Variants in NBEA observed in about 807,000 individuals in gnomAD.
NBEA encodes the protein neurobeachin, also known as lysosomal-trafficking regulator 2.
A neutral mutation model predicts 343.4 loss-of-function variants in NBEA; 44 were observed. The observed-to-expected ratio is 0.13, with a 90% confidence interval of 0.10 to 0.16. The LOEUF is 0.16. Ranked by LOEUF, NBEA falls within the 10% of genes least tolerant of loss-of-function variation. NBEA has a pLI of 1.00. For missense variants in NBEA, 2,555 were observed against 3,631.3 expected (o/e 0.70, Z 7.62); for synonymous variants, 1,175 against 1,238.7 (o/e 0.95, Z 1.08).
chr13:35,013,316 G>T (rs2061546850), intron 1 of NBEA, among the ~76,000 whole-genome samples: 2 of 151,728 alleles, frequency 1.3e-5, no homozygotes, highest in African/African-American at 4.8e-5. Flanking sequence ...CCCTCTGATT[G>T]TAAAATATTC....
chr13:35,006,064 G>T (rs1331477365), intron 1 of NBEA, among the ~76,000 whole-genome samples: 1 of 152,064 alleles, frequency 6.6e-6, no homozygotes, highest in Non-Finnish European at 1.5e-5. Flanking sequence ...ATATCTATCT[G>T]TCCAGTTTGC....
At chr13:34,983,869 G>A (rs970487411) in intron 1 of NBEA, among the ~76,000 whole-genome samples, 1 of 152,024 alleles carries the variant, frequency 6.6e-6, no homozygotes, top group Non-Finnish European at 1.5e-5. Context: ...TGATGGGGTT[G>A]TTTTTTTCTT....
At chr13:35,090,315 G>T (rs2065017275) in intron 10 of NBEA, among the ~76,000 whole-genome samples, 1 of 151,796 alleles carries the variant, frequency 6.6e-6, no homozygotes, top group African/African-American at 2.4e-5. Context: ...TTTCATTGTT[G>T]CAACCCACAA....
chr13:35,144,318 G>A (rs1166538834), intron 18 of NBEA, among the ~76,000 whole-genome samples: 1 of 152,144 alleles, frequency 6.6e-6, no homozygotes, highest in African/African-American at 2.4e-5. Flanking sequence ...CCAGAACTGT[G>A]ATGCTATCTA....
intron 36 of NBEA, among the ~76,000 whole-genome samples, chr13:35,333,038 A>G (rs572974587): frequency 7.0e-4 from 107 of 152,268 alleles, no homozygotes; most frequent in African/African-American, 2.4e-3. Context: ...AGACTAAGCC[A>G]AGATCCTTAA....
chr13:35,235,021 A>T (rs2075157144), intron 34 of NBEA, among the ~76,000 whole-genome samples: 1 of 152,204 alleles, frequency 6.6e-6, no homozygotes, highest in East Asian at 1.9e-4. Flanking sequence ...CAATATTTAG[A>T]GGATAGTTCT....
chr13:35,630,831 C>T (rs571058117), intron 49 of NBEA, among the ~76,000 whole-genome samples: 1 of 152,238 alleles, frequency 6.6e-6, no homozygotes, highest in South Asian at 2.1e-4. Flanking sequence ...CTCAAGATTG[C>T]TTAGGAAGAG....
Position 35,045,280 on chromosome 13 carries a change from ATTTC to A in NBEA, c.628-18_628-15del, listed in dbSNP as rs1169529979. 7 of 1,562,240 alleles carry A rather than the reference ATTTC, an allele frequency of 4.5e-6. No homozygotes were observed. In the East Asian group the frequency reaches 1.4e-4, roughly 30 times the overall value. ...ATGATTGCTAAATTTGTACAATGAC[ATTTC>A]TTTCTTTTATTGTTTCCCCAGCCAA... On this transcript the variant is annotated intron_variant, in intron 3 of 58. Transcript: ENST00000379939.
At chr13:35,669,329 G>T (rs1047839050) in intron 58 of NBEA, among the ~76,000 whole-genome samples, 8 of 152,104 alleles carry the variant, frequency 5.3e-5, no homozygotes, top group Non-Finnish European at 8.8e-5. Context: ...ACAGAAATAA[G>T]AAAAGCTTGT....
At chr13:35,661,192 C>A (rs376606315) in intron 55 of NBEA, among the ~76,000 whole-genome samples, 6 of 152,304 alleles carry the variant, frequency 3.9e-5, no homozygotes, top group East Asian at 1.9e-4. Context: ...CAGAGAGCTT[C>A]AGGTTCCAAC....
intron 11 of NBEA, among the ~76,000 whole-genome samples, chr13:35,098,896 A>C (rs760001745): frequency 1.3e-5 from 2 of 151,886 alleles, no homozygotes; most frequent in African/African-American, 2.4e-5. Context: ...TCTCTCCATT[A>C]GTTATTTAGT....
rs1016675580 is a variant in NBEA at position 35,007,659 on chromosome 13, AT to A, written c.295-33266del. Reference sequence around the variant, plus strand: ...GGTGCATGCTACTGTGCCACAGCTAATTTTTTTTGTATTGGTGGAGATGGGG... The same window carrying A: ...GGTGCATGCTACTGTGCCACAGCTAATTTTTTTGTATTGGTGGAGATGGGG... On this transcript the variant is annotated intron_variant, in intron 1 of 58. Coordinates refer to ENST00000379939, the MANE Select transcript of NBEA (RefSeq NM_001385012.1). 2.4e-4 allele frequency among the ~76,000 whole-genome samples: 36 copies of A among 151,730 alleles called. 1 individual carries two copies. The highest frequency in any genetic ancestry group is 2.2e-3 in the Admixed American group (34 of 15,220).
At chr13:35,623,323 A>G (rs375981579) in intron 48 of NBEA, among the ~76,000 whole-genome samples, 4 of 152,172 alleles carry the variant, frequency 2.6e-5, no homozygotes, top group East Asian at 1.9e-4. Context: ...AAGAGTCTTA[A>G]TGTCAGGCTT....
intron 45 of NBEA, among the ~76,000 whole-genome samples, chr13:35,577,573 G>A (rs1379084321): frequency 6.6e-6 from 1 of 151,940 alleles, no homozygotes; most frequent in African/African-American, 2.4e-5. Context: ...TATGTGCTAT[G>A]AATATTTTTC....
intron 1 of NBEA, among the ~76,000 whole-genome samples, chr13:35,020,860 G>A (rs2061814304): frequency 6.6e-6 from 1 of 152,002 alleles, no homozygotes; most frequent in African/African-American, 2.4e-5. Context: ...TTATATGGGG[G>A]GAGGTGTCTT....
intron 35 of NBEA, among the ~76,000 whole-genome samples, chr13:35,297,881 G>A (rs899664784): frequency 1.3e-5 from 2 of 151,782 alleles, no homozygotes; most frequent in African/African-American, 2.4e-5. Flanking sequence ...ACCATTTTAA[G>A]TATACAGTTC....
intron 44 of NBEA, among the ~76,000 whole-genome samples, chr13:35,563,131 G>GTGGAGATAGATAGATAGATA (rs1555303283): frequency 5.3e-4 from 57 of 108,326 alleles, no homozygotes; most frequent in Non-Finnish European, 9.4e-4. Flanking sequence ...GTGTGTGTGT[G>GTGGAGATAGATAGATAGATA]GAGATAGATA....
rs114015453 is a variant in NBEA at position 35,380,982 on chromosome 13, C to G, written c.6179+28659C>G. On this transcript the variant is annotated intron_variant, in intron 38 of 58. Transcript: ENST00000379939. ...TGTCCTATTTGTTAAAAGTTTTTAT[C>G]CTAAATTGGTATAGAATTTTTTAAT... is the stretch of plus-strand genomic sequence containing the variant. Among the ~76,000 whole-genome samples, 1,344 of 152,128 alleles carry G rather than the reference C, an allele frequency of 8.8e-3. 22 individuals carry two copies. Among genetic ancestry groups the G allele is most frequent in the African/African-American group, 0.031 (1,278 of 41,506 alleles).
rs914662156 is a variant in NBEA, at chr13:34,979,523, G to GA, written c.294+36419dup. Among the ~76,000 whole-genome samples, 27 of 144,840 alleles carry GA rather than the reference G, an allele frequency of 1.9e-4. No individual in the cohort carries two copies. The East Asian group carries it at 2.8e-3, about 15-fold the overall frequency. On this transcript the variant is annotated intron_variant, in intron 1 of 58. Transcript: ENST00000379939. ...TGACAGAGCAAGACTCTGTCTCAAA[G>GA]AAAAAAAAAAGAAAAACAATTTTCC...
Sources: gnomAD v4.1 joint callset for allele counts (sites outside exome capture counted in the v4.1 genomes callset) on GRCh38, gnomAD v4.1.1 for gene constraint, MANE v1.5 for transcripts, NCBI Gene and HGNC (gene_info 2026-07-23, HGNC 2026-07-21) for gene names.